MED16: variants seen among roughly 807,000 people sequenced by gnomAD.
The protein encoded by MED16 is mediator complex subunit 16.
A neutral mutation model predicts 84.4 loss-of-function variants in MED16; 81 were observed. The observed-to-expected ratio is 0.96, with a 90% CI of 0.80 to 1.15. MED16 has a LOEUF of 1.15. Ranked by LOEUF, MED16 falls within the 50% of genes most tolerant of loss-of-function variation. The probability of loss-of-function intolerance (pLI) is 0.00; values close to 1 mark genes in which losing one functional copy is unlikely to be tolerated. For synonymous variants in MED16, 897 were observed against 552.2 expected, an observed-to-expected ratio of 1.62 and a Z score of -8.76; for missense variants, 1,585 against 1,245.9, an observed-to-expected ratio of 1.27 and a Z score of -4.10.
At chr19:877,627 C>G (rs1273794914) in intron 8 of MED16, among the ~76,000 whole-genome samples, 1 of 97,220 alleles carries the variant, frequency 1.0e-5, no homozygotes, top group Non-Finnish European at 2.3e-5. Flanking sequence ...GGGGGCGCCT[C>G]CCTCTGGCAC....
chr19:883,723 C>A (rs1049156250), intron 6 of MED16, among the ~76,000 whole-genome samples: 12 of 152,094 alleles, frequency 7.9e-5, no homozygotes, highest in African/African-American at 2.9e-4. Context: ...ACAGACGTGC[C>A]CAGCGGGGGC....
intron 5 of MED16, 123 bp from the exon 6 acceptor site, chr19:885,131 GCCCCT>G: frequency 1.5e-6 from 1 of 677,416 alleles, no homozygotes; most frequent in East Asian, 2.7e-5. Context: ...AGCCACGCCT[GCCCCT>G]CGGGCCCTCC....
chr19:868,864 T>G lies in MED16; in HGVS notation c.2398A>C (p.Arg800=). 1 of 1,548,334 alleles carries G rather than the reference T, an allele frequency of 6.5e-7. No individual in the cohort carries two copies. The highest frequency in any genetic ancestry group is 8.7e-7 in the Non-Finnish European group (1 of 1,148,672). ...CPTEECKACT[R]CGCVTMLKSP... ...TCAGCGGTTCCGGGGGCCCCTCACC[T>G]GGTGCAGGCCTTGCATTCCTCCGTG... The change falls in exon 14 of 16, where the codon AGG becomes CGG. Residue 800 remains arginine, a splice_region_variant and synonymous_variant. Coordinates refer to ENST00000325464, the MANE Select transcript of MED16 (RefSeq NM_005481.3).
At chr19:886,814 G>A (rs923718528) in intron 4 of MED16, among the ~76,000 whole-genome samples, 10 of 152,296 alleles carry the variant, frequency 6.6e-5, no homozygotes, top group African/African-American at 7.2e-5. Flanking sequence ...GGTGGCTCTC[G>A]CCTATAATCC....
At chr19:875,753 G>A (rs1194501291) in intron 9 of MED16, among the ~76,000 whole-genome samples, 1 of 152,142 alleles carries the variant, frequency 6.6e-6, no homozygotes, top group East Asian at 1.9e-4. Context: ...ACGGGTGGAG[G>A]CTGGGGAGGC....
rs747621025 is a variant in MED16 at position 868,123 on chromosome 19, A to C, written c.2612T>G (p.Leu871Arg). Residue 871 changes from leucine to arginine, a missense_variant, in exon 16 of 16, where the codon CTG becomes CGG. Transcript: ENST00000325464. ...CCGTCACGGACGGTCCTCTGGATGC[A>C]GATGGTCCAGGGATCTGGGGGTCCT... is the stretch of plus-strand genomic sequence containing the variant. Reference protein sequence around the residue: ...SPRTPRSLDHLHPEDRP With the variant: ...SPRTPRSLDHRHPEDRP 1.9e-6 allele frequency: 3 copies of C among 1,610,764 alleles called. No individual in the cohort carries two copies. Among genetic ancestry groups the C allele is most frequent in the Non-Finnish European group, 2.5e-6 (3 of 1,179,308 alleles).
rs1246904356 is a variant in MED16, at chr19:868,969, G to A, written c.2316-23C>T. On this transcript the variant is annotated intron_variant, in intron 13 of 15. Coordinates refer to ENST00000325464, the MANE Select transcript of MED16 (RefSeq NM_005481.3). ...GCCCTGGCGGGAGAGGGGAGAACGT[G>A]AGGGAGGCCTGGGCACCACGAGGCC... 3 of 1,525,676 alleles carry A rather than the reference G, an allele frequency of 2.0e-6. No individual in the cohort carries two copies. The African/African-American group carries it at 4.1e-5, about 21-fold the overall frequency. The allele number at this position is 1,525,676 out of a possible 1,614,324, so 94.5% of individuals were successfully genotyped here.
intron 5 of MED16, among the ~76,000 whole-genome samples, chr19:885,347 C>CA (rs1182605317): frequency 6.6e-6 from 1 of 152,154 alleles, no homozygotes; most frequent in Non-Finnish European, 1.5e-5. Flanking sequence ...CAGTGGCCCC[C>CA]AGAACATCCC....
At chr19:892,068 G>A (rs1428806599) in intron 1 of MED16, among the ~76,000 whole-genome samples, 1 of 152,018 alleles carries the variant, frequency 6.6e-6, no homozygotes, top group Non-Finnish European at 1.5e-5. Flanking sequence ...GCCGAGGCGG[G>A]GGCTGAGTGT....
chr19:876,669 T>TC (rs1322225102), intron 9 of MED16, among the ~76,000 whole-genome samples: 1 of 151,382 alleles, frequency 6.6e-6, no homozygotes, highest in Non-Finnish European at 1.5e-5. Flanking sequence ...CCTCTTGCCC[T>TC]CCGCCTGCCA....
At chr19:890,302 A>G in intron 2 of MED16, 58 bp from the exon 3 acceptor site, 1 of 1,239,772 alleles carries the variant, frequency 8.1e-7, no homozygotes, top group Non-Finnish European at 1.1e-6. Context: ...GACGATGACG[A>G]TGACTCCAGG....
intron 1 of MED16, among the ~76,000 whole-genome samples, chr19:891,366 T>G (rs1169205633): frequency 1.3e-5 from 2 of 151,902 alleles, no homozygotes; most frequent in Admixed American, 1.3e-4. Context: ...CTCAGTAAGG[T>G]GGGAGCCCGG....
chr19:869,129 A>AG (rs1012799201), intron 13 of MED16, among the ~76,000 whole-genome samples, 183 bp from the exon 14 acceptor site: 17 of 152,102 alleles, frequency 1.1e-4, no homozygotes, highest in Admixed American at 3.3e-4. Flanking sequence ...GGCCCAGTAA[A>AG]GGGGGCGGGA....
At chr19:880,276 G>T in intron 7 of MED16, 128 bp from the exon 8 acceptor site, 3 of 782,490 alleles carry the variant, frequency 3.8e-6, no homozygotes, top group Non-Finnish European at 5.7e-6. Flanking sequence ...CCCGCCAATC[G>T]GCATCCAGCG....
At chr19:877,378 G>A (rs1039725154) in intron 8 of MED16, among the ~76,000 whole-genome samples, 198 bp from the exon 9 acceptor site, 2 of 152,158 alleles carry the variant, frequency 1.3e-5, no homozygotes, top group Admixed American at 6.5e-5. Context: ...TGGGAACAGG[G>A]AAGGAAACCT....
chr19:892,111 T>C (rs371356240), intron 1 of MED16, among the ~76,000 whole-genome samples: 3 of 152,136 alleles, frequency 2.0e-5, no homozygotes, highest in South Asian at 2.1e-4. Context: ...TCCTCGAGGC[T>C]TTCTAAGCGC....
chr19:887,352 G>C (rs969196194), intron 4 of MED16, among the ~76,000 whole-genome samples: 1 of 152,114 alleles, frequency 6.6e-6, no homozygotes, highest in South Asian at 2.1e-4. Context: ...GAGCACATGT[G>C]CCTTTTATTA....
intron 1 of MED16, among the ~76,000 whole-genome samples, chr19:891,480 G>T (rs944386289): frequency 6.6e-6 from 1 of 152,180 alleles, no homozygotes; most frequent in African/African-American, 2.4e-5. Flanking sequence ...GAGGGTCTGC[G>T]CTGGCCCAGG....
intron 13 of MED16, 46 bp from the exon 14 acceptor site, chr19:868,992 G>A (rs2035984072): frequency 5.4e-6 from 8 of 1,481,738 alleles, no homozygotes; most frequent in African/African-American, 1.4e-5. Flanking sequence ...GCACCACGAG[G>A]CCAGGTTCCG....
Sources: allele counts gnomAD v4.1 joint callset (sites outside exome capture counted in the v4.1 genomes callset), GRCh38; gene constraint gnomAD v4.1.1; transcripts MANE v1.5; gene names NCBI Gene and HGNC (gene_info 2026-07-23, HGNC 2026-07-21).